Variants in PRKCH observed in about 807,000 individuals in gnomAD.
PRKCH encodes the protein protein kinase C eta type.
PRKCH carries 28 observed loss-of-function variants against 82.5 expected under a neutral mutation model. That is an observed-to-expected ratio of 0.34 (90% CI 0.25 to 0.47). PRKCH has a LOEUF of 0.47. Ranked by LOEUF, PRKCH falls within the 20% of genes least tolerant of loss-of-function variation. PRKCH has a pLI of 1.00. For synonymous variants in PRKCH, 322 were observed against 327.4 expected (o/e 0.98, Z 0.18); for missense variants, 705 against 881.8 (o/e 0.80, Z 2.54).
intron 1 of PRKCH, among the ~76,000 whole-genome samples, chr14:61,285,864 G>A (rs1026107784): frequency 3.9e-5 from 6 of 152,246 alleles, no homozygotes; most frequent in East Asian, 3.9e-4. Flanking sequence ...CTCCAAAAAC[G>A]TTAACCTTGA....
At chr14:61,505,283 C>T (rs1299472891) in intron 10 of PRKCH, among the ~76,000 whole-genome samples, 1 of 151,060 alleles carries the variant, frequency 6.6e-6, no homozygotes, top group Non-Finnish European at 1.5e-5. Context: ...GATTTGGTGT[C>T]GGGTGAGGGC....
intron 1 of PRKCH, among the ~76,000 whole-genome samples, chr14:61,241,533 T>C (rs1040850526): frequency 6.6e-6 from 1 of 152,168 alleles, no homozygotes; most frequent in African/African-American, 2.4e-5. Context: ...AGCCAACTCA[T>C]TAGCATACAA....
At chr14:61,195,254 C>T in intron 1 of PRKCH, among the ~76,000 whole-genome samples, 1 of 152,150 alleles carries the variant, frequency 6.6e-6, no homozygotes, top group East Asian at 1.9e-4. Context: ...AGTTTATCTT[C>T]TATCTGTGGT....
intron 2 of PRKCH, among the ~76,000 whole-genome samples, chr14:61,399,581 C>A (rs373283787): frequency 6.6e-6 from 1 of 152,100 alleles, no homozygotes; most frequent in Non-Finnish European, 1.5e-5. Flanking sequence ...CCTTTTGTTC[C>A]GTCATAAAGT....
intron 1 of PRKCH, among the ~76,000 whole-genome samples, chr14:61,363,954 T>TTA (rs1212014014): frequency 2.7e-5 from 4 of 146,794 alleles, no homozygotes; most frequent in Non-Finnish European, 6.0e-5. Flanking sequence ...ATATAAAATT[T>TTA]TATATATATA....
chr14:61,338,645 G>A (rs1301715712), intron 1 of PRKCH, among the ~76,000 whole-genome samples: 1 of 152,150 alleles, frequency 6.6e-6, no homozygotes, highest in African/African-American at 2.4e-5. Flanking sequence ...GACACCAACA[G>A]GGGGCATAAA....
intron 1 of PRKCH, among the ~76,000 whole-genome samples, chr14:61,230,374 C>T (rs899875674): frequency 6.6e-6 from 1 of 152,132 alleles, no homozygotes; most frequent in Non-Finnish European, 1.5e-5. Context: ...TCATGACTCT[C>T]TTCTTAGGTT....
chr14:61,271,861 G>C, intron 1 of PRKCH, among the ~76,000 whole-genome samples: 1 of 152,166 alleles, frequency 6.6e-6, no homozygotes, highest in African/African-American at 2.4e-5. Flanking sequence ...CATAACACTG[G>C]ACCACTTTCT....
At chr14:61,474,650 A>T (rs2140315972) in intron 9 of PRKCH, among the ~76,000 whole-genome samples, 1 of 152,288 alleles carries the variant, frequency 6.6e-6, no homozygotes, top group South Asian at 2.1e-4. Flanking sequence ...GCACATATAT[A>T]CCTATGTAAC....
chr14:61,533,716 C>T (rs542072152), intron 12 of PRKCH, among the ~76,000 whole-genome samples: 8 of 152,336 alleles, frequency 5.3e-5, no homozygotes, highest in South Asian at 4.1e-4. Context: ...AGGGCTACTG[C>T]GTGGTTGGCA....
chr14:61,382,845 C>A (rs941084522), intron 1 of PRKCH, among the ~76,000 whole-genome samples: 1 of 152,192 alleles, frequency 6.6e-6, no homozygotes, highest in African/African-American at 2.4e-5. Flanking sequence ...GTGATCAATT[C>A]TAATGGCTTT....
chr14:61,489,142 A>T (rs1327026730), intron 10 of PRKCH, among the ~76,000 whole-genome samples: 1 of 152,188 alleles, frequency 6.6e-6, no homozygotes, highest in African/African-American at 2.4e-5. Flanking sequence ...TGGTTTTGAT[A>T]CAAGAGCCCA....
chr14:61,426,631 C>T (rs1343926823), intron 2 of PRKCH, among the ~76,000 whole-genome samples: 1 of 152,154 alleles, frequency 6.6e-6, no homozygotes, highest in African/African-American at 2.4e-5. Context: ...TTAGAGTTTG[C>T]CACAAATACT....
At chr14:61,547,279 T>C (rs903207546) in intron 12 of PRKCH, among the ~76,000 whole-genome samples, 1 of 152,056 alleles carries the variant, frequency 6.6e-6, no homozygotes, top group African/African-American at 2.4e-5. Context: ...ATAACGACTC[T>C]CTCTCCTCTC....
chr14:61,228,499 C>T (rs1443790035), intron 1 of PRKCH, among the ~76,000 whole-genome samples: 2 of 152,038 alleles, frequency 1.3e-5, no homozygotes, highest in African/African-American at 4.8e-5. Context: ...TTGGTGTCCA[C>T]AGAACAAAGG....
In PRKCH at chr14:61,193,288, T is replaced by C. The variant is rs114753534; in HGVS notation, c.-19+5620T>C. 3.2e-3 allele frequency among the ~76,000 whole-genome samples: 483 copies of C among 152,342 alleles called. 3 individuals are homozygous for C. Among genetic ancestry groups the C allele is most frequent in the African/African-American group, 0.011 (443 of 41,576 alleles). On this transcript the variant is annotated intron_variant, in intron 1 of 3. Coordinates refer to the PRKCH transcript ENST00000555185. ...CAAAGTTTTAATTCAGAGACTTTAA[T>C]TGAAAATGCAGCAAGAATGTAACAG...
In PRKCH at chr14:61,457,170, T is replaced by G. The variant is rs1163516805; in HGVS notation, c.961-6T>G. 1 of 1,613,768 alleles carries G rather than the reference T, an allele frequency of 6.2e-7. No homozygotes were observed. Among genetic ancestry groups the G allele is most frequent in the Non-Finnish European group, 8.5e-7 (1 of 1,179,862 alleles). ...TTTCTGACTTAATGTGTTCTTACTC[T>G]TTCAGAAACTCGTTTCCAGATCGAC... On this transcript the variant is annotated splice_region_variant and splice_polypyrimidine_tract_variant and intron_variant, in intron 7 of 13. Transcript: ENST00000332981.
chr14:61,317,066 G>A (rs144600605), upstream of PRKCH, among the ~76,000 whole-genome samples: 10 of 152,322 alleles, frequency 6.6e-5, no homozygotes, highest in African/African-American at 2.4e-4. Flanking sequence ...TCAAACGTGT[G>A]ACTTCAATCA....
At chr14:61,487,120 G>A (rs1031264996) in intron 10 of PRKCH, among the ~76,000 whole-genome samples, 5 of 152,160 alleles carry the variant, frequency 3.3e-5, no homozygotes, top group South Asian at 4.1e-4. Context: ...AAGTGGGAAC[G>A]CAAGCACTGC....
Sources: allele counts gnomAD v4.1 joint callset (sites outside exome capture counted in the v4.1 genomes callset), GRCh38; gene constraint gnomAD v4.1.1; transcripts MANE v1.5; gene names NCBI Gene and HGNC (gene_info 2026-07-23, HGNC 2026-07-21).